CNTN1: variants seen among roughly 807,000 people sequenced by gnomAD.
CNTN1 encodes the protein contactin-1.
A neutral mutation model predicts 126.4 loss-of-function variants in CNTN1; 38 were observed. The ratio of observed to expected loss-of-function variants is 0.30; its 90% CI spans 0.23 to 0.39. The LOEUF (loss-of-function observed/expected upper bound fraction) is 0.39, where lower values mean the gene tolerates loss of function less well. Ranked by LOEUF, CNTN1 falls within the 10% of genes least tolerant of loss-of-function variation. CNTN1 has a pLI of 1.00. For missense variants in CNTN1, 1,009 were observed against 1,248.4 expected (o/e 0.81, Z 2.89); for synonymous variants, 413 against 422.6 (o/e 0.98, Z 0.28).
chr12:40,743,624 C>A (rs1938041334), intron 1 of CNTN1, among the ~76,000 whole-genome samples: 1 of 151,930 alleles, frequency 6.6e-6, no homozygotes, highest in African/African-American at 2.4e-5. Flanking sequence ...TGTTTATGTC[C>A]TTTGCCCACT....
chr12:41,058,558 A>G (rs1949873612), intron 23 of CNTN1, among the ~76,000 whole-genome samples: 1 of 152,100 alleles, frequency 6.6e-6, no homozygotes, highest in Non-Finnish European at 1.5e-5. Context: ...TTATAAATAA[A>G]CTCCTGCAAA....
chr12:40,718,827 C>T (rs1942117079), intron 1 of CNTN1, among the ~76,000 whole-genome samples: 1 of 152,048 alleles, frequency 6.6e-6, no homozygotes, highest in African/African-American at 2.4e-5. Context: ...TTTCTCTCAC[C>T]CTACTGTTAT....
intron 6 of CNTN1, among the ~76,000 whole-genome samples, chr12:40,929,397 T>C (rs1282623652): frequency 1.3e-5 from 2 of 151,848 alleles, no homozygotes; most frequent in African/African-American, 2.4e-5. Flanking sequence ...TAATCTTAAT[T>C]ATATTTATAA....
intron 1 of CNTN1, among the ~76,000 whole-genome samples, chr12:40,768,413 T>C (rs1939207215): frequency 6.6e-6 from 1 of 152,184 alleles, no homozygotes; most frequent in East Asian, 1.9e-4. Context: ...ACAAATCCCT[T>C]ATAAGCACAC....
At chr12:40,806,697 T>A (rs867989826) in intron 1 of CNTN1, among the ~76,000 whole-genome samples, 1 of 152,166 alleles carries the variant, frequency 6.6e-6, no homozygotes, top group African/African-American at 2.4e-5. Flanking sequence ...GTAGCCCATA[T>A]GGCCTCTGCA....
intron 3 of CNTN1, among the ~76,000 whole-genome samples, chr12:40,916,501 A>G (rs1945250693): frequency 6.6e-6 from 1 of 152,146 alleles, no homozygotes; most frequent in South Asian, 2.1e-4. Context: ...ATCAGGATTC[A>G]GGATTCATTT....
intron 1 of CNTN1, among the ~76,000 whole-genome samples, chr12:40,873,460 T>C (rs1163249881): frequency 6.6e-6 from 1 of 152,194 alleles, no homozygotes; most frequent in African/African-American, 2.4e-5. Context: ...ATAACACATG[T>C]ATTTTAAAAC....
chr12:40,971,479 TC>T, intron 15 of CNTN1: 1 of 1,596,692 alleles, frequency 6.3e-7, no homozygotes, highest in Non-Finnish European at 8.5e-7. Context: ...GATTCCTTTC[TC>T]CCCGTCTGTG....
intron 17 of CNTN1, among the ~76,000 whole-genome samples, chr12:41,005,438 T>C (rs1948467054): frequency 1.3e-5 from 2 of 150,776 alleles, no homozygotes; most frequent in African/African-American, 4.8e-5. Flanking sequence ...AGTACCTTAC[T>C]GTGGTTCTCT....
chr12:40,862,543 G>A (rs1456535578), intron 1 of CNTN1, among the ~76,000 whole-genome samples: 1 of 152,020 alleles, frequency 6.6e-6, no homozygotes, highest in Non-Finnish European at 1.5e-5. Flanking sequence ...TACAACTTCA[G>A]GTCTCTGATA....
chr12:40,805,250 C>T (rs573422790), intron 1 of CNTN1, among the ~76,000 whole-genome samples: 15 of 151,938 alleles, frequency 9.9e-5, no homozygotes, highest in Non-Finnish European at 2.2e-4. Flanking sequence ...AAAATTTCTT[C>T]TACCCCCTTT....
chr12:40,986,712 C>G (rs1476473543), intron 16 of CNTN1, among the ~76,000 whole-genome samples: 3 of 152,158 alleles, frequency 2.0e-5, no homozygotes, highest in Admixed American at 6.6e-5. Flanking sequence ...TCTCAGCACT[C>G]CTGCCACTAT....
At chr12:40,752,367 C>G (rs1054555806) in intron 1 of CNTN1, among the ~76,000 whole-genome samples, 7 of 152,024 alleles carry the variant, frequency 4.6e-5, no homozygotes, top group African/African-American at 1.7e-4. Context: ...AGACTATAAC[C>G]TTGGGATTTT....
intron 1 of CNTN1, 122 bp from the exon 2 acceptor site, chr12:40,908,235 C>T (rs1944903510): frequency 8.8e-6 from 5 of 568,686 alleles, no homozygotes; most frequent in Non-Finnish European, 1.6e-5. Flanking sequence ...ATAATGTTTT[C>T]CTCAAATGAT....
At chr12:40,702,736 C>G (rs953062031) in intron 1 of CNTN1, among the ~76,000 whole-genome samples, 3 of 152,126 alleles carry the variant, frequency 2.0e-5, no homozygotes, top group African/African-American at 7.2e-5. Flanking sequence ...GTGCCTGGCC[C>G]AGAATTGAAT....
intron 17 of CNTN1, 35 bp downstream of exon 17, chr12:40,993,304 A>T (rs7309797): frequency 2.5e-6 from 4 of 1,573,304 alleles, no homozygotes. Context: ...ATTTTAAAAG[A>T]TTTCTAAATA....
chr12:40,921,386 T>A (rs1215844683), intron 4 of CNTN1, among the ~76,000 whole-genome samples: 1 of 152,188 alleles, frequency 6.6e-6, no homozygotes, highest in Admixed American at 6.5e-5. Flanking sequence ...TAAACCCTGA[T>A]AAAGAATGAT....
chr12:40,830,784 G>T (rs1330236442), intron 1 of CNTN1, among the ~76,000 whole-genome samples: 1 of 86,452 alleles, frequency 1.2e-5, no homozygotes, highest in Non-Finnish European at 2.3e-5. Context: ...GAGGGAGAAA[G>T]TATAGTGTAT....
rs1484666017 is a variant in CNTN1 at position 41,070,350 on chromosome 12, C to CTA, written c.*318_*319dup. ...ACAAGTTACAGTGTTCAATTCAATA[C>CTA]TATAGGCTGTAGAGTGAAAGTCAAA... is the stretch of plus-strand genomic sequence containing the variant. On this transcript the variant is annotated 3_prime_UTR_variant, in exon 24 of 24. Transcript: ENST00000551295. 1 of 410,042 alleles carries CTA rather than the reference C, an allele frequency of 2.4e-6. No homozygotes were observed. Among genetic ancestry groups the CTA allele is most frequent in the African/African-American group, 2.0e-5 (1 of 49,164 alleles). 25.4% of individuals were successfully genotyped at this position (410,042 alleles called of 1,614,324 possible). A position where few individuals can be genotyped will look rare whatever the true frequency, so the allele number is the denominator to read the frequency against.
Sources: gnomAD v4.1 joint callset for allele counts (sites outside exome capture counted in the v4.1 genomes callset) on GRCh38, gnomAD v4.1.1 for gene constraint, MANE v1.5 for transcripts, NCBI Gene and HGNC (gene_info 2026-07-23, HGNC 2026-07-21) for gene names.